Variants in RPS6KL1 observed in about 807,000 individuals in gnomAD.
RPS6KL1 encodes the protein ribosomal protein S6 kinase like 1, also known as ribosomal protein S6 kinase-like 1.
Under a neutral mutation model 57.0 loss-of-function variants are expected in RPS6KL1, and 41 were observed. The ratio of observed to expected loss-of-function variants is 0.72; its 90% CI spans 0.56 to 0.93. The LOEUF is 0.93. Among genes scored for constraint, RPS6KL1 ranks in the 40% least tolerant of loss-of-function variants. The probability of loss-of-function intolerance (pLI) is 0.00; values close to 1 mark genes in which losing one functional copy is unlikely to be tolerated. For synonymous variants in RPS6KL1, 287 were observed against 309.7 expected, an observed-to-expected ratio of 0.93 and a Z score of 0.77; for missense variants, 697 against 727.7, an observed-to-expected ratio of 0.96 and a Z score of 0.49.
chr14:74,907,053 G>A lies in RPS6KL1; in HGVS notation c.1611C>T (p.Pro537=). ...TGCTCCATTGGATGGTACTGAAAAA[G>A]GGATGGGACTTGAGTTTGCTGACAC... ...EGGVSKLKSH[P]FFSTIQWSKL... is the part of the protein sequence containing the mutation. The change falls in exon 12 of 12, where the codon CCC becomes CCT. Residue 537 remains proline (P), a synonymous_variant. Transcript: ENST00000557413. The A allele has an allele frequency of 6.2e-7, 1 of 1,613,700 alleles. No individual in the cohort carries two copies.
rs576076640 is a variant in RPS6KL1 at position 74,906,257 on chromosome 14, G to C, written c.*757C>G. 45 of 312,754 alleles carry C rather than the reference G, an allele frequency of 1.4e-4. No homozygotes were observed. Among genetic ancestry groups the C allele is most frequent in the African/African-American group, 8.0e-4 (37 of 46,280 alleles). The allele number at this position is 312,754 out of a possible 1,614,324, so 19.4% of individuals were successfully genotyped here. A position where few individuals can be genotyped will look rare whatever the true frequency, so the allele number is the denominator to read the frequency against. ...CCTCTTCCCCCACACAGGCCCACTG[G>C]GGAGGAGGACTCTTGATTCTGGTTT... is the stretch of plus-strand genomic sequence containing the variant. On this transcript the variant is annotated 3_prime_UTR_variant, in exon 12 of 12. Transcript: ENST00000557413.
chr14:74,911,282 C>T lies in RPS6KL1; in HGVS notation c.630G>A (p.Glu210=), dbSNP rs141376072. The T allele has an allele frequency of 1.3e-4, 217 of 1,612,742 alleles. No homozygotes were observed. The African/African-American group carries it at 2.5e-3, about 18-fold the overall frequency. ...MTKLLRYFVS[E]DSIFLHLEHV... The stretch of plus-strand genomic sequence containing the variant: ...GCTCCAGGTGCAGGAAGATGGAGTC[C>T]TCGCTCACAAAGTACCTGAGCAGCT... The change falls in exon 7 of 12, where the codon GAG becomes GAA. Residue 210 remains glutamate, a synonymous_variant. Transcript: ENST00000557413.
chr14:74,919,450 AG>A (rs2140343274), intron 4 of RPS6KL1, among the ~76,000 whole-genome samples: 1 of 152,312 alleles, frequency 6.6e-6, no homozygotes, highest in South Asian at 2.1e-4. Flanking sequence ...TGTGCACACA[AG>A]GGTGTCGGGG....
chr14:74,911,825 T>G lies in RPS6KL1; in HGVS notation c.500A>C (p.Asp167Ala). ...GVIEKVQLVQ[D>A]PATGGTFVVK... ...CACAAAGGTCCCTCCGGTTGCCGGG[T>G]CCTGGACCAGCTGCACCTGCCAAAG... Residue 167 changes from aspartate (D) to alanine (A), a missense_variant, in exon 6 of 12, where the codon GAC becomes GCC. Physicochemically the swap from Asp to Ala is moderately radical, Grantham distance 126. Transcript: ENST00000557413. The G allele has an allele frequency of 6.4e-7, 1 of 1,553,132 alleles. No individual in the cohort carries two copies. Among genetic ancestry groups the G allele is most frequent in the Non-Finnish European group, 8.7e-7 (1 of 1,148,186 alleles).
Position 74,911,309 on chromosome 14 carries a change from CGTCAT to C in RPS6KL1, c.598_602del (p.Met200GlufsTer81). On this transcript the variant is annotated frameshift_variant, in exon 7 of 12. Coordinates refer to ENST00000557413, the MANE Select transcript of RPS6KL1 (RefSeq NM_031464.5). LOFTEE classifies it high-confidence loss of function. ...CGCTCACAAAGTACCTGAGCAGCTT[CGTCAT>C]GTAGGGGACTCCGTGTGGGATGATG... 1 of 1,612,482 alleles carries C rather than the reference CGTCAT, an allele frequency of 6.2e-7. No homozygotes were observed. The highest frequency in any genetic ancestry group is 8.5e-7 in the Non-Finnish European group (1 of 1,179,962).
At position 74,918,415 on chromosome 14, in the gene RPS6KL1, T is replaced by C. The variant is rs1246553220; in HGVS notation, c.483+98A>G. The C allele has an allele frequency of 1.5e-5, 13 of 895,762 alleles. No individual in the cohort carries two copies. In the African/African-American group the frequency reaches 1.8e-4, roughly 13 times the overall value. 55.5% of individuals were successfully genotyped at this position (895,762 alleles called of 1,614,324 possible). A position where few individuals can be genotyped will look rare whatever the true frequency, so the allele number is the denominator to read the frequency against. On this transcript the variant is annotated intron_variant, in intron 5 of 11. Transcript: ENST00000557413. ...CCTCTGGAGGAGTGGGGGCCACTGCTACAGACCTGCTTTCAGCATATCATG... is the reference window on the plus strand; with the variant it reads ...CCTCTGGAGGAGTGGGGGCCACTGCCACAGACCTGCTTTCAGCATATCATG...
chr14:74,920,749 C>A (rs1313685985), intron 3 of RPS6KL1, among the ~76,000 whole-genome samples: 1 of 152,198 alleles, frequency 6.6e-6, no homozygotes, highest in Non-Finnish European at 1.5e-5. Flanking sequence ...CCCCACTAAT[C>A]CTCTTCCTAC....
In RPS6KL1 at chr14:74,906,565, G is replaced by C. The variant is rs1447847356; in HGVS notation, c.*449C>G. 1.9e-6 allele frequency: 1 copy of C among 528,562 alleles called. No homozygotes were observed. The highest frequency in any genetic ancestry group is 3.9e-6 in the Non-Finnish European group (1 of 257,786). 32.7% of individuals were successfully genotyped at this position (528,562 alleles called of 1,614,324 possible). A position where few individuals can be genotyped will look rare whatever the true frequency, so the allele number is the denominator to read the frequency against. ...CTAAGAGGACTAGCCAGGACAGTCT[G>C]GTTTGGGTCCACTGAGCCAGTGGAT... On this transcript the variant is annotated 3_prime_UTR_variant, in exon 12 of 12. Coordinates refer to ENST00000557413, the MANE Select transcript of RPS6KL1 (RefSeq NM_031464.5).
rs1308875459 is a variant in RPS6KL1 at position 74,904,727 on chromosome 14, A to G, written c.*2287T>C. The G allele has an allele frequency of 2.0e-4, 30 of 152,134 alleles. No homozygotes were observed. The highest frequency in any genetic ancestry group is 2.0e-3 in the Admixed American group (30 of 15,262). The allele number at this position is 152,134 out of a possible 1,614,324, so 9.4% of individuals were successfully genotyped here. On this transcript the variant is annotated 3_prime_UTR_variant, in exon 12 of 12. Transcript: ENST00000557413. ...GGGAGGAGTGGGGGCATCTCATTTC[A>G]TTTGGATTTGATAGCCTTGTGGACC... is the stretch of plus-strand genomic sequence containing the variant.
rs574475900 is a variant in RPS6KL1 at position 74,905,184 on chromosome 14, G to A, written c.*1830C>T. 3 of 152,296 alleles carry A rather than the reference G, an allele frequency of 2.0e-5. No homozygotes were observed. Among genetic ancestry groups the A allele is most frequent in the Non-Finnish European group, 2.9e-5 (2 of 68,022 alleles). 9.4% of individuals were successfully genotyped at this position (152,296 alleles called of 1,614,324 possible). ...AAACTCAGGGCCCAACAAAGTGTCA[G>A]ATGTGTAGCTTTGGGTGGATGAAGC... On this transcript the variant is annotated 3_prime_UTR_variant, in exon 12 of 12. Transcript: ENST00000557413.
chr14:74,911,030 C>T (rs1885861730), intron 7 of RPS6KL1: 1 of 467,586 alleles, frequency 2.1e-6, no homozygotes, highest in East Asian at 4.2e-5. Flanking sequence ...TGCAAGCACA[C>T]CTGGCTAGTT....
At chr14:74,922,910 G>A (rs891327284) in intron 1 of RPS6KL1, among the ~76,000 whole-genome samples, 8 of 152,230 alleles carry the variant, frequency 5.3e-5, no homozygotes, top group Non-Finnish European at 8.8e-5. Context: ...GAGGCAGAGG[G>A]AGGCCGCACC....
chr14:74,916,312 G>T (rs1298512730), intron 5 of RPS6KL1, among the ~76,000 whole-genome samples: 1 of 152,324 alleles, frequency 6.6e-6, no homozygotes, highest in African/African-American at 2.4e-5. Flanking sequence ...GGGAAAGGAA[G>T]TAGGATCTCA....
At position 74,906,334 on chromosome 14, in the gene RPS6KL1, C is replaced by T. The variant is rs1566805250; in HGVS notation, c.*680G>A. On this transcript the variant is annotated 3_prime_UTR_variant, in exon 12 of 12. Coordinates refer to ENST00000557413, the MANE Select transcript of RPS6KL1 (RefSeq NM_031464.5). Reference sequence around the variant, plus strand: ...TGCATTCCTTCCTCCCCCCATTACTCTTATTTTCTTCCCCTCCCTTTTGCT... The same window carrying T: ...TGCATTCCTTCCTCCCCCCATTACTTTTATTTTCTTCCCCTCCCTTTTGCT... 1 of 342,768 alleles carries T rather than the reference C, an allele frequency of 2.9e-6. No individual in the cohort carries two copies. 21.2% of individuals were successfully genotyped at this position (342,768 alleles called of 1,614,324 possible). A position where few individuals can be genotyped will look rare whatever the true frequency, so the allele number is the denominator to read the frequency against.
chr14:74,921,252 A>G (rs1455705550), intron 3 of RPS6KL1, 25 bp downstream of exon 3: 15 of 517,408 alleles, frequency 2.9e-5, no homozygotes, highest in Non-Finnish European at 4.4e-5. Context: ...CACCCACCCC[A>G]GCCCTGCCCA....
chr14:74,920,874 A>T (rs1887717660), intron 3 of RPS6KL1, among the ~76,000 whole-genome samples: 1 of 152,154 alleles, frequency 6.6e-6, no homozygotes, highest in Admixed American at 6.5e-5. Context: ...TGGGCCAAGT[A>T]CACAGCCTGT....
At position 74,909,704 on chromosome 14, in the gene RPS6KL1, G is replaced by A. The variant is rs1252215754; in HGVS notation, c.1109C>T (p.Ala370Val). The A allele has an allele frequency of 6.2e-7, 1 of 1,608,854 alleles. No individual in the cohort carries two copies. Among genetic ancestry groups the A allele is most frequent in the African/African-American group, 1.3e-5 (1 of 74,942 alleles). Residue 370 changes from alanine to valine, a missense_variant, in exon 8 of 12, where the codon GCA becomes GTA. By Grantham distance (64) the Ala-to-Val change is moderately conservative. Coordinates refer to ENST00000557413, the MANE Select transcript of RPS6KL1 (RefSeq NM_031464.5). ...GCCACAGCCCCGGCCGGCCCCATCT[G>A]CTGACAGGCAGCTCTGATCCATGCC... ...GRGMDQSCLS[A>V]DGAGRGCGRA...
chr14:74,917,730 G>A (rs780008762), intron 5 of RPS6KL1, among the ~76,000 whole-genome samples: 1 of 152,088 alleles, frequency 6.6e-6, no homozygotes, highest in Non-Finnish European at 1.5e-5. Flanking sequence ...ATTGGGACAG[G>A]GTAAAGTTAC....
intron 5 of RPS6KL1, 94 bp downstream of exon 5, chr14:74,918,419 G>T: frequency 1.1e-6 from 1 of 925,000 alleles, no homozygotes; most frequent in South Asian, 1.8e-5. Flanking sequence ...CACTGCTACA[G>T]ACCTGCTTTC....
Sources: allele counts gnomAD v4.1 joint callset (sites outside exome capture counted in the v4.1 genomes callset), GRCh38; gene constraint gnomAD v4.1.1; transcripts MANE v1.5; gene names NCBI Gene and HGNC (gene_info 2026-07-23, HGNC 2026-07-21).